Variants in NPSR1 observed in about 807,000 individuals in gnomAD.
NPSR1 encodes neuropeptide S receptor.
A neutral mutation model predicts 46.9 loss-of-function variants in NPSR1; 48 were observed. That is an observed-to-expected ratio of 1.02 (90% CI 0.81 to 1.30). The LOEUF is 1.30. Among genes scored for constraint, NPSR1 ranks in the 50% most tolerant of loss-of-function variants. NPSR1 has a pLI of 0.00. For synonymous variants in NPSR1, 176 were observed against 168.1 expected (o/e 1.05, Z -0.36); for missense variants, 450 against 449.5 (o/e 1.00, Z -0.01).
intron 2 of NPSR1, among the ~76,000 whole-genome samples, chr7:34,690,616 C>T (rs1055250320): frequency 6.6e-6 from 1 of 151,932 alleles, no homozygotes; most frequent in Non-Finnish European, 1.5e-5. Flanking sequence ...TAGGCTAGAC[C>T]AAGTGGAAGA....
intron 1 of NPSR1, among the ~76,000 whole-genome samples, chr7:34,680,035 A>G (rs10274146): frequency 0.23 from 35,314 of 152,056 alleles, 4,312 homozygotes; most frequent in South Asian, 0.33. Context: ...AAATATTTAC[A>G]AAGCTCACAT....
chr7:34,744,304 T>C (rs1785098683), intron 2 of NPSR1, among the ~76,000 whole-genome samples: 1 of 152,200 alleles, frequency 6.6e-6, no homozygotes, highest in Non-Finnish European at 1.5e-5. Flanking sequence ...TAATTAATAT[T>C]TGTCTGGTAT....
intron 1 of NPSR1, among the ~76,000 whole-genome samples, chr7:34,665,770 CTT>C (rs2128671115): frequency 6.6e-6 from 1 of 152,194 alleles, no homozygotes; most frequent in South Asian, 2.1e-4. Flanking sequence ...TGGTTCCTCT[CTT>C]GACATGCATG....
intron 2 of NPSR1, among the ~76,000 whole-genome samples, chr7:34,696,155 G>A (rs1793518691): frequency 6.7e-6 from 1 of 149,662 alleles, no homozygotes; most frequent in African/African-American, 2.4e-5. Context: ...ATGAAATCAT[G>A]TCCTTTACAG....
At chr7:34,801,602 AG>A (rs2128747470) in intron 3 of NPSR1, among the ~76,000 whole-genome samples, 1 of 143,508 alleles carries the variant, frequency 7.0e-6, no homozygotes, top group South Asian at 2.2e-4. Flanking sequence ...ACAAACCCAC[AG>A]CCAATATCAT....
chr7:34,758,901 T>A (rs1335052735), intron 2 of NPSR1, among the ~76,000 whole-genome samples: 1 of 152,210 alleles, frequency 6.6e-6, no homozygotes, highest in East Asian at 1.9e-4. Flanking sequence ...TTAGAACAGT[T>A]CCTTGGTCTT....
intron 2 of NPSR1, 79 bp downstream of exon 2, chr7:34,684,763 A>C (rs1792843038): frequency 1.7e-6 from 1 of 575,944 alleles, no homozygotes; most frequent in Non-Finnish European, 2.2e-6. Flanking sequence ...AATTTTATCA[A>C]AAAAAAAAAA....
At chr7:34,704,416 T>C (rs1403278177) in intron 2 of NPSR1, among the ~76,000 whole-genome samples, 1 of 152,230 alleles carries the variant, frequency 6.6e-6, no homozygotes, top group Non-Finnish European at 1.5e-5. Context: ...CTTTAATATT[T>C]TGTAATTCAC....
chr7:34,851,241 T>C (rs1790925923), downstream of NPSR1, among the ~76,000 whole-genome samples: 1 of 151,952 alleles, frequency 6.6e-6, no homozygotes, highest in Non-Finnish European at 1.5e-5. Context: ...TCAGTATATT[T>C]TAATAGCACT....
At chr7:34,667,319 G>A (rs1392823084) in intron 1 of NPSR1, among the ~76,000 whole-genome samples, 1 of 152,210 alleles carries the variant, frequency 6.6e-6, no homozygotes, top group African/African-American at 2.4e-5. Flanking sequence ...CAGTTCTCAT[G>A]TGGGAGGAAG....
intron 2 of NPSR1, among the ~76,000 whole-genome samples, chr7:34,767,973 C>T (rs1371717578): frequency 6.6e-6 from 1 of 151,886 alleles, no homozygotes; most frequent in African/African-American, 2.4e-5. Context: ...CTATAGTTAA[C>T]AATAATATAT....
intron 1 of NPSR1, among the ~76,000 whole-genome samples, chr7:34,680,979 G>T (rs1792601881): frequency 1.3e-5 from 2 of 151,612 alleles, no homozygotes; most frequent in African/African-American, 4.9e-5. Context: ...TAATTATATG[G>T]GCTTTTACTC....
intron 1 of NPSR1, among the ~76,000 whole-genome samples, chr7:34,672,091 G>A (rs765848620): frequency 6.6e-6 from 1 of 152,146 alleles, no homozygotes; most frequent in Non-Finnish European, 1.5e-5. Flanking sequence ...TCAAATGTTA[G>A]TTTTCCATAT....
At chr7:34,709,618 CA>C (rs1290580657) in intron 2 of NPSR1, among the ~76,000 whole-genome samples, 1 of 152,160 alleles carries the variant, frequency 6.6e-6, no homozygotes, top group East Asian at 1.9e-4. Context: ...CCCTTTTTCA[CA>C]GCAATTGTCA....
Position 34,849,749 on chromosome 7 carries a change from T to C in NPSR1, c.*94T>C. ...CACGTGCATGGAACCCGAGCCAACT[T>C]CACCCCACCCTCGTCATTACCTGGG... On this transcript the variant is annotated 3_prime_UTR_variant, in exon 9 of 9. Transcript: ENST00000360581. 1.1e-5 allele frequency: 18 copies of C among 1,574,086 alleles called. No individual in the cohort carries two copies. Among genetic ancestry groups the C allele is most frequent in the Non-Finnish European group, 1.5e-5 (17 of 1,160,798 alleles).
chr7:34,741,813 G>A (rs968722656), intron 2 of NPSR1, among the ~76,000 whole-genome samples: 2 of 152,208 alleles, frequency 1.3e-5, no homozygotes, highest in Admixed American at 6.5e-5. Context: ...GGGGTGACAA[G>A]CAGGCAATTT....
At chr7:34,677,897 C>G (rs1043939977) in intron 1 of NPSR1, among the ~76,000 whole-genome samples, 9 of 152,168 alleles carry the variant, frequency 5.9e-5, no homozygotes, top group African/African-American at 2.2e-4. Flanking sequence ...AAAACTTGGG[C>G]GAGGCCATGG....
chr7:34,791,110 TATATA>T (rs200758032), intron 3 of NPSR1, among the ~76,000 whole-genome samples: 3,131 of 88,484 alleles, frequency 0.035, 119 homozygotes, highest in South Asian at 0.053. Context: ...TATAATATGT[TATATA>T]ATATAATATA....
At chr7:34,826,246 C>T (rs865785671) in intron 4 of NPSR1, among the ~76,000 whole-genome samples, 1 of 152,178 alleles carries the variant, frequency 6.6e-6, no homozygotes, top group Non-Finnish European at 1.5e-5. Context: ...CCAATAACAA[C>T]TCTTTTCTAC....
Sources: gnomAD v4.1 joint callset for allele counts (sites outside exome capture counted in the v4.1 genomes callset) on GRCh38, gnomAD v4.1.1 for gene constraint, MANE v1.5 for transcripts, NCBI Gene and HGNC (gene_info 2026-07-23, HGNC 2026-07-21) for gene names.